SRRM3: variants seen among roughly 807,000 people sequenced by gnomAD.
SRRM3 encodes serine/arginine repetitive matrix 3, also known as serine/arginine repetitive matrix protein 3.
Under a neutral mutation model 66.2 loss-of-function variants are expected in SRRM3, and 27 were observed. The ratio of observed to expected loss-of-function variants is 0.41; its 90% confidence interval spans 0.30 to 0.56. The LOEUF (loss-of-function observed/expected upper bound fraction) is 0.56, where lower values mean the gene tolerates loss of function less well. SRRM3 is among the 20% of genes least tolerant of loss of function. SRRM3 has a pLI of 0.32. For missense variants in SRRM3, 918 were observed against 991.9 expected (o/e 0.93, Z 1.00); for synonymous variants, 391 against 414.9 (o/e 0.94, Z 0.70).
In SRRM3 at chr7:76,285,159, G is replaced by A. The variant is rs1445978979; in HGVS notation, c.1734-456G>A. 1 of 163,002 alleles carries A rather than the reference G, an allele frequency of 6.1e-6. No individual in the cohort carries two copies. Among genetic ancestry groups the A allele is most frequent in the African/African-American group, 2.4e-5 (1 of 41,572 alleles). 10.1% of individuals were successfully genotyped at this position (163,002 alleles called of 1,614,324 possible). A position where few individuals can be genotyped will look rare whatever the true frequency, so the allele number is the denominator to read the frequency against. On this transcript the variant is annotated intron_variant, in intron 14 of 14. Coordinates refer to ENST00000611745, the MANE Select transcript of SRRM3 (RefSeq NM_001110199.3). The surrounding 1 kb of genome is among the most constrained non-coding windows in gnomAD (Gnocchi z 4.1). Reference sequence around the variant, plus strand: ...ACTCACTGCAGCCTCCGCCTCTGGGGTTCAAGCGATCCTCCCACCTCAGCC... The same window carrying A: ...ACTCACTGCAGCCTCCGCCTCTGGGATTCAAGCGATCCTCCCACCTCAGCC...
intron 11 of SRRM3, among the ~76,000 whole-genome samples, chr7:76,274,844 G>A (rs1191375127): frequency 1.3e-5 from 2 of 152,232 alleles, no homozygotes; most frequent in Non-Finnish European, 2.9e-5. Flanking sequence ...AGTGGCTCAC[G>A]CCTGTAATCC....
At chr7:76,224,807 A>G (rs1800815603) in intron 1 of SRRM3, among the ~76,000 whole-genome samples, 1 of 152,176 alleles carries the variant, frequency 6.6e-6, no homozygotes, top group South Asian at 2.1e-4. Context: ...ACATTTATTC[A>G]TTAAGATTAG....
Position 76,260,697 on chromosome 7 carries a change from G to T in SRRM3, c.546-177G>T, listed in dbSNP as rs28575123. Among the ~76,000 whole-genome samples, 1,421 of 152,056 alleles carry T rather than the reference G, an allele frequency of 9.3e-3. 26 individuals are homozygous for T. Among genetic ancestry groups the T allele is most frequent in the African/African-American group, 0.032 (1,339 of 41,468 alleles). ...CTCCCAGTCCCCCTCTGCCCTCCCA[G>T]GGGTCCCGTGCCCACCAACACTAGT... is the stretch of plus-strand genomic sequence containing the variant. On this transcript the variant is annotated intron_variant, in intron 5 of 14. Coordinates refer to ENST00000611745, the MANE Select transcript of SRRM3 (RefSeq NM_001110199.3).
At position 76,281,664 on chromosome 7, in the gene SRRM3, C is replaced by G; in HGVS notation, c.1232C>G (p.Pro411Arg). 1.0e-6 allele frequency: 1 copy of G among 982,250 alleles called. No homozygotes were observed. Among genetic ancestry groups the G allele is most frequent in the Non-Finnish European group, 1.2e-6 (1 of 828,188 alleles). The allele number at this position is 982,250 out of a possible 1,614,324, so 60.8% of individuals were successfully genotyped here. A position where few individuals can be genotyped will look rare whatever the true frequency, so the allele number is the denominator to read the frequency against. ...CCCCGCCGCAGGGGTCGCCGGCGCC[C>G]CCGGCCCGCGCCCCCCCGGGGCTCG... Reference protein sequence around the residue: ...SAPRRRGRRRPRPAPPRGSSR... With the variant: ...SAPRRRGRRRRRPAPPRGSSR... The change falls in exon 12 of 15, where the codon CCC becomes CGC. Residue 411 changes from proline (P) to arginine (R), a missense_variant. By Grantham distance (103) the Pro-to-Arg change is moderately radical. Coordinates refer to ENST00000611745, the MANE Select transcript of SRRM3 (RefSeq NM_001110199.3).
chr7:76,202,280 C>CA (rs11430576), intron 1 of SRRM3, among the ~76,000 whole-genome samples: 5,534 of 151,680 alleles, frequency 0.036, 145 homozygotes, highest in Middle Eastern at 0.075. Context: ...CAGTGGAGAC[C>CA]TTTGGGGTCA....
rs367906871 is a variant in SRRM3, at chr7:76,283,118, G to A, written c.1733+17G>A. 7.1e-7 allele frequency: 1 copy of A among 1,412,714 alleles called. No individual in the cohort carries two copies. The highest frequency in any genetic ancestry group is 9.2e-7 in the Non-Finnish European group (1 of 1,087,134). 87.5% of individuals were successfully genotyped at this position (1,412,714 alleles called of 1,614,324 possible). A position where few individuals can be genotyped will look rare whatever the true frequency, so the allele number is the denominator to read the frequency against. ...CATCACCAGGTATGGAGGGTCTTGG[G>A]GGGGCCGGTGGCGCAGGGCTGGGGC... On this transcript the variant is annotated intron_variant, in intron 14 of 14. Coordinates refer to ENST00000611745, the MANE Select transcript of SRRM3 (RefSeq NM_001110199.3).
At chr7:76,235,765 G>T (rs1267558698) in intron 2 of SRRM3, among the ~76,000 whole-genome samples, 2 of 151,780 alleles carry the variant, frequency 1.3e-5, no homozygotes, top group African/African-American at 4.8e-5. Context: ...CAGAACTTTG[G>T]GGGGCCTAGG....
Position 76,285,522 on chromosome 7 carries a change from G to A in SRRM3, c.1734-93G>A. On this transcript the variant is annotated intron_variant, in intron 14 of 14. Coordinates refer to ENST00000611745, the MANE Select transcript of SRRM3 (RefSeq NM_001110199.3). The surrounding 1 kb of genome is among the most constrained non-coding windows in gnomAD (Gnocchi z 4.1). ...GAAGGCAGGTGTCTCTAAGGCCAGG[G>A]CTCAGGGGAAACTGAGGCAGGAAGC... is the stretch of plus-strand genomic sequence containing the variant. 2.9e-6 allele frequency: 3 copies of A among 1,027,104 alleles called. No homozygotes were observed. Among genetic ancestry groups the A allele is most frequent in the Non-Finnish European group, 1.4e-6 (1 of 697,314 alleles). 63.6% of individuals were successfully genotyped at this position (1,027,104 alleles called of 1,614,324 possible).
At chr7:76,282,472 T>A in intron 12 of SRRM3, 176 bp from the exon 13 acceptor site, 4 of 127,300 alleles carry the variant, frequency 3.1e-5, no homozygotes, top group Non-Finnish European at 5.6e-5. Flanking sequence ...GGGCTCCCCC[T>A]GAACTGACCC....
chr7:76,216,306 C>G (rs1554602589), intron 1 of SRRM3, among the ~76,000 whole-genome samples: 4 of 152,068 alleles, frequency 2.6e-5, no homozygotes, highest in Non-Finnish European at 5.9e-5. Context: ...CTCGGCCTCC[C>G]AAAGTGCTGG....
At chr7:76,228,422 C>T (rs185335415) in intron 1 of SRRM3, among the ~76,000 whole-genome samples, 3 of 152,070 alleles carry the variant, frequency 2.0e-5, no homozygotes, top group Admixed American at 6.6e-5. Flanking sequence ...ACTCTGGGGG[C>T]GAAGTCAACA....
At chr7:76,281,411 C>A in intron 11 of SRRM3, 30 bp from the exon 12 acceptor site, 1 of 1,219,652 alleles carries the variant, frequency 8.2e-7, no homozygotes, top group African/African-American at 1.6e-5. Flanking sequence ...TCTCCCCCCT[C>A]CGTGCCCTGT....
intron 3 of SRRM3, 31 bp from the exon 4 acceptor site, chr7:76,259,875 G>T (rs781908083): frequency 1.3e-6 from 2 of 1,599,536 alleles, no homozygotes; most frequent in East Asian, 2.2e-5. Context: ...GTCGTCCCGA[G>T]ACTGGTGGTG....
Position 76,265,291 on chromosome 7 carries a change from G to C in SRRM3, c.726-73G>C, listed in dbSNP as rs1801980254. 4.2e-5 allele frequency: 49 copies of C among 1,155,252 alleles called. 1 individual carries two copies. The South Asian group carries it at 7.1e-4, about 17-fold the overall frequency. The allele number at this position is 1,155,252 out of a possible 1,614,324, so 71.6% of individuals were successfully genotyped here. A position where few individuals can be genotyped will look rare whatever the true frequency, so the allele number is the denominator to read the frequency against. On this transcript the variant is annotated intron_variant, in intron 9 of 14. Transcript: ENST00000611745. ...TCCACTGGGATCCTGGTGGGAGGCT[G>C]GGCAACTTGGGGGCTGGGGGGATCA...
At chr7:76,258,154 C>T (rs1801758680) in intron 3 of SRRM3, among the ~76,000 whole-genome samples, 1 of 152,168 alleles carries the variant, frequency 6.6e-6, no homozygotes, top group African/African-American at 2.4e-5. Context: ...CCACCCTCTG[C>T]CACCAGGCTT....
chr7:76,273,837 T>C (rs1554610784), intron 11 of SRRM3, among the ~76,000 whole-genome samples: 1 of 152,192 alleles, frequency 6.6e-6, no homozygotes, highest in East Asian at 1.9e-4. Flanking sequence ...CCCGACCAAC[T>C]TTTCTAGCCC....
At chr7:76,205,109 C>T (rs1800262048) in intron 1 of SRRM3, among the ~76,000 whole-genome samples, 2 of 152,200 alleles carry the variant, frequency 1.3e-5, no homozygotes, top group South Asian at 4.2e-4. Context: ...GGAAATTCAC[C>T]TCCATTTCTT....
chr7:76,248,230 G>T lies in SRRM3; in HGVS notation c.276G>T (p.Arg92=), dbSNP rs782553014. The T allele has an allele frequency of 6.2e-7, 1 of 1,613,856 alleles. No homozygotes were observed. The highest frequency in any genetic ancestry group is 8.5e-7 in the Non-Finnish European group (1 of 1,179,848). Residue 92 remains arginine, a synonymous_variant, in exon 3 of 15, where the codon CGG becomes CGT. Coordinates refer to ENST00000611745, the MANE Select transcript of SRRM3 (RefSeq NM_001110199.3). ...TTCGGCAGAAAGTGGGGACATTCCG[G>T]CAGATGCTGATGGAGAAGGAGGGAG... The part of the protein sequence containing the change: ...EEIRQKVGTF[R]QMLMEKEGVL...
At chr7:76,260,615 T>A (rs1801840123) in intron 5 of SRRM3, among the ~76,000 whole-genome samples, 1 of 147,512 alleles carries the variant, frequency 6.8e-6, no homozygotes, top group African/African-American at 2.5e-5. Context: ...CACCTGCCTC[T>A]CACTGAATCC....
Sources: allele counts gnomAD v4.1 joint callset (sites outside exome capture counted in the v4.1 genomes callset), GRCh38; gene constraint gnomAD v4.1.1; non-coding constraint Gnocchi (gnomAD v3.1); transcripts MANE v1.5; gene names NCBI Gene and HGNC (gene_info 2026-07-23, HGNC 2026-07-21).